Variants in MCC observed in about 807,000 individuals in gnomAD.
MCC encodes MCC regulator of Wnt signaling pathway, also known as colorectal mutant cancer protein.
A neutral mutation model predicts 116.2 loss-of-function variants in MCC; 90 were observed. The observed-to-expected ratio is 0.77, with a 90% CI of 0.65 to 0.92. MCC has a LOEUF of 0.92. Ranked by LOEUF, MCC falls within the 40% of genes least tolerant of loss-of-function variation. MCC has a pLI of 0.00. For synonymous variants in MCC, 578 were observed against 510.5 expected, an observed-to-expected ratio of 1.13 and a Z score of -1.78; for missense variants, 1,516 against 1,312.2, an observed-to-expected ratio of 1.16 and a Z score of -2.40.
chr5:113,436,680 C>A (rs915564603), intron 1 of MCC: 3 of 152,294 alleles, frequency 2.0e-5, no homozygotes, highest in African/African-American at 7.2e-5. Context: ...CTCTTTTCTC[C>A]TGAGATAATT....
intron 8 of MCC, 45 bp downstream of exon 8, chr5:113,101,694 C>G (rs1183346679): frequency 1.2e-6 from 2 of 1,602,026 alleles, no homozygotes; most frequent in Non-Finnish European, 1.7e-6. Context: ...TCTCTCAGCC[C>G]CATGCCCAGG....
intron 1 of MCC, chr5:113,436,023 C>T (rs941733110): frequency 6.6e-6 from 1 of 152,484 alleles, no homozygotes; most frequent in African/African-American, 2.4e-5. Flanking sequence ...CATGACTGTC[C>T]TAGCCTTGGA....
At chr5:113,418,893 C>A (rs1181554340) in intron 1 of MCC, among the ~76,000 whole-genome samples, 1 of 152,190 alleles carries the variant, frequency 6.6e-6, no homozygotes, top group Non-Finnish European at 1.5e-5. Flanking sequence ...CACCGCATCA[C>A]AGAGCTCCTC....
At chr5:113,479,296 C>G (rs1377110015) in intron 1 of MCC, among the ~76,000 whole-genome samples, 1 of 152,148 alleles carries the variant, frequency 6.6e-6, no homozygotes, top group Admixed American at 6.5e-5. Flanking sequence ...GAAAGCAGAT[C>G]AGTGGTTGCA....
At chr5:113,047,835 GA>G (rs5870525) in intron 16 of MCC, among the ~76,000 whole-genome samples, 81 of 141,242 alleles carry the variant, frequency 5.7e-4, no homozygotes, top group South Asian at 5.7e-3. Flanking sequence ...TTGGATTCCA[GA>G]AAAAAAAAAA....
intron 17 of MCC, 38 bp from the exon 18 acceptor site, chr5:113,029,094 G>T (rs764168077): frequency 6.3e-7 from 1 of 1,584,818 alleles, no homozygotes; most frequent in South Asian, 1.1e-5. Flanking sequence ...GGAGTAGTTT[G>T]AGATGATGCT....
At chr5:113,248,282 G>A (rs1441571457) in intron 3 of MCC, among the ~76,000 whole-genome samples, 3 of 151,190 alleles carry the variant, frequency 2.0e-5, no homozygotes, top group African/African-American at 7.3e-5. Context: ...AAGGCAGGAG[G>A]GAGCTTTACA....
intron 5 of MCC, among the ~76,000 whole-genome samples, chr5:113,140,731 T>C (rs1759126466): frequency 1.3e-5 from 2 of 152,206 alleles, no homozygotes; most frequent in Admixed American, 1.3e-4. Context: ...AATTCTTAAC[T>C]GAGGCCAGAT....
At chr5:113,157,039 G>C (rs921706353) in intron 3 of MCC, among the ~76,000 whole-genome samples, 1 of 152,074 alleles carries the variant, frequency 6.6e-6, no homozygotes, top group Non-Finnish European at 1.5e-5. Context: ...TGTCTATTCC[G>C]TTACATATCT....
intron 1 of MCC, among the ~76,000 whole-genome samples, chr5:113,449,732 T>C (rs1452766637): frequency 6.6e-6 from 1 of 152,156 alleles, no homozygotes; most frequent in Admixed American, 6.5e-5. Flanking sequence ...ACAGTCTACA[T>C]GTGGGTTTGG....
At chr5:113,058,452 C>A (rs977262804) in intron 14 of MCC, among the ~76,000 whole-genome samples, 2 of 152,146 alleles carry the variant, frequency 1.3e-5, no homozygotes, top group Admixed American at 1.3e-4. Flanking sequence ...GCCCAGCAAT[C>A]TGTGTTTTAA....
At position 113,084,100 on chromosome 5, in the gene MCC, C is replaced by T; in HGVS notation, c.1635+1G>A. ...TTGCCTTGCTTCTCATGAACACTCA[C>T]CCCTATGCTACTGATTTCTGAGCCC... On this transcript the variant is annotated splice_donor_variant, in intron 10 of 18. Coordinates refer to ENST00000408903, the MANE Select transcript of MCC (RefSeq NM_001085377.2). LOFTEE classifies it high-confidence loss of function. 1 of 1,613,698 alleles carries T rather than the reference C, an allele frequency of 6.2e-7. No individual in the cohort carries two copies. Among genetic ancestry groups the T allele is most frequent in the Non-Finnish European group, 8.5e-7 (1 of 1,179,618 alleles).
chr5:113,469,457 G>A (rs1196359218), intron 1 of MCC, among the ~76,000 whole-genome samples: 1 of 152,090 alleles, frequency 6.6e-6, no homozygotes, highest in Non-Finnish European at 1.5e-5. Flanking sequence ...AGTCATTCAG[G>A]AGCAGGTTGT....
intron 3 of MCC, among the ~76,000 whole-genome samples, chr5:113,226,590 T>A (rs1445547596): frequency 1.3e-5 from 2 of 152,222 alleles, no homozygotes; most frequent in African/African-American, 4.8e-5. Flanking sequence ...GGGGCTAGGG[T>A]CATTAACTAC....
chr5:113,136,896 G>A lies in MCC; in HGVS notation c.884+6322C>T, dbSNP rs894664010. ...TAGCCAGGACTTCCTGTTTTACGTT[G>A]GGTAACAGTGATGAAAGTGGGCATC... On this transcript the variant is annotated intron_variant, in intron 5 of 18. Transcript: ENST00000408903. Among the ~76,000 whole-genome samples the A allele has an allele frequency of 3.3e-5, 5 of 152,240 alleles. 1 individual carries two copies. The East Asian group carries it at 9.7e-4, about 29-fold the overall frequency.
chr5:113,074,790 G>C (rs969385091), intron 11 of MCC, among the ~76,000 whole-genome samples: 6 of 152,242 alleles, frequency 3.9e-5, no homozygotes, highest in African/African-American at 1.2e-4. Context: ...GCGTATCAGG[G>C]ATTGAAGATC....
chr5:113,433,700 C>A (rs1456469096), intron 1 of MCC: 1 of 1,583,564 alleles, frequency 6.3e-7, no homozygotes, highest in African/African-American at 1.3e-5. Flanking sequence ...GGCTTTAAGC[C>A]GTGAGCTCCA....
chr5:113,460,939 A>T (rs924207868), intron 1 of MCC, among the ~76,000 whole-genome samples: 3 of 152,246 alleles, frequency 2.0e-5, no homozygotes, highest in Non-Finnish European at 2.9e-5. Flanking sequence ...ATGGCACTTT[A>T]TCGCATTTAT....
chr5:113,227,722 T>C (rs902706638), intron 3 of MCC, among the ~76,000 whole-genome samples: 2 of 152,254 alleles, frequency 1.3e-5, no homozygotes, highest in African/African-American at 4.8e-5. Flanking sequence ...TTAAAACTAC[T>C]GTATAACTAT....
Sources: allele counts gnomAD v4.1 joint callset (sites outside exome capture counted in the v4.1 genomes callset), GRCh38; gene constraint gnomAD v4.1.1; transcripts MANE v1.5; gene names NCBI Gene and HGNC (gene_info 2026-07-23, HGNC 2026-07-21).